The following RNF10 variants were observed in gnomAD, a reference collection of about 807,000 sequenced individuals.
The protein encoded by RNF10 is E3 ubiquitin-protein ligase RNF10.
A neutral mutation model predicts 91.4 loss-of-function variants in RNF10; 38 were observed. That is an observed-to-expected ratio of 0.42 (90% CI 0.32 to 0.54). The LOEUF is 0.54. Ranked by LOEUF, RNF10 falls within the 20% of genes least tolerant of loss-of-function variation. The probability of loss-of-function intolerance (pLI) is 0.16; values close to 1 mark genes in which losing one functional copy is unlikely to be tolerated. For missense variants in RNF10, 945 were observed against 1,012.0 expected (o/e 0.93, Z 0.90); for synonymous variants, 364 against 366.3 (o/e 0.99, Z 0.07).
intron 10 of RNF10, among the ~76,000 whole-genome samples, chr12:120,564,189 T>C (rs541605529): frequency 3.1e-4 from 47 of 152,330 alleles, no homozygotes; most frequent in African/African-American, 1.1e-3. Flanking sequence ...TTTGGGGATA[T>C]AGATATTTCT....
At chr12:120,561,965 A>T (rs1165512153) in intron 7 of RNF10, among the ~76,000 whole-genome samples, 1 of 152,058 alleles carries the variant, frequency 6.6e-6, no homozygotes, top group Non-Finnish European at 1.5e-5. Flanking sequence ...CTGTTCTGGA[A>T]GTTTTTTGTA....
intron 14 of RNF10, chr12:120,574,762 C>T (rs1445399594): frequency 7.2e-6 from 2 of 278,472 alleles, no homozygotes; most frequent in African/African-American, 4.5e-5. Context: ...CCCGTCTTTA[C>T]TAAAAATACA....
chr12:120,537,562 A>C (rs1871006998), intron 1 of RNF10, among the ~76,000 whole-genome samples: 1 of 152,270 alleles, frequency 6.6e-6, no homozygotes. Context: ...CGGGAGGCGG[A>C]GGTTGCAGTA....
intron 4 of RNF10, 111 bp from the exon 5 acceptor site, chr12:120,557,171 A>G (rs1429032301): frequency 2.3e-6 from 2 of 871,694 alleles, no homozygotes; most frequent in African/African-American, 3.3e-5. Context: ...ATAAGGATGT[A>G]CGGGGATAGA....
At chr12:120,561,018 C>A in intron 7 of RNF10, 132 bp downstream of exon 7, 1 of 909,196 alleles carries the variant, frequency 1.1e-6, no homozygotes, top group Non-Finnish European at 1.6e-6. Flanking sequence ...TAGTTCCATT[C>A]CACATTTAAG....
chr12:120,563,783 G>T (rs1299894064), intron 9 of RNF10, 27 bp from the exon 10 acceptor site: 3 of 1,613,280 alleles, frequency 1.9e-6, no homozygotes, highest in South Asian at 2.2e-5. Context: ...GCCAAGACTG[G>T]TGTGTGATAG....
chr12:120,545,401 C>T (rs900806312), intron 1 of RNF10, among the ~76,000 whole-genome samples: 11 of 147,296 alleles, frequency 7.5e-5, no homozygotes, highest in Non-Finnish European at 1.0e-4. Context: ...ACTGTGTTAG[C>T]CAGGATGGTC....
Position 120,577,176 on chromosome 12 carries a change from G to A in RNF10, c.*510G>A, listed in dbSNP as rs1877503914. On this transcript the variant is annotated 3_prime_UTR_variant, in exon 17 of 17. Coordinates refer to ENST00000325954, the MANE Select transcript of RNF10 (RefSeq NM_014868.5). ...AAAATGGATTTAGGACACCCAGTTT[G>A]AATTGCAGTTTTTTTTTTTCTGACA... 1 of 453,418 alleles carries A rather than the reference G, an allele frequency of 2.2e-6. No homozygotes were observed. The highest frequency in any genetic ancestry group is 2.4e-5 in the Admixed American group (1 of 42,206). 28.1% of individuals were successfully genotyped at this position (453,418 alleles called of 1,614,324 possible). A position where few individuals can be genotyped will look rare whatever the true frequency, so the allele number is the denominator to read the frequency against.
intron 14 of RNF10, chr12:120,574,737 C>T (rs1172852012): frequency 9.7e-6 from 3 of 308,570 alleles, no homozygotes; most frequent in Non-Finnish European, 1.9e-5. Context: ...ACCAGCCTGA[C>T]CAACATGGAG....
Position 120,565,536 on chromosome 12 carries a change from T to G in RNF10, c.1885+7T>G. On this transcript the variant is annotated splice_region_variant and intron_variant, in intron 12 of 16. Coordinates refer to ENST00000325954, the MANE Select transcript of RNF10 (RefSeq NM_014868.5). ...AACAAGAAACAGGGCAAGTGTAAGT[T>G]CAGGAACTTTCATCTTTGACTAGCA... 1 of 1,611,744 alleles carries G rather than the reference T, an allele frequency of 6.2e-7. No homozygotes were observed. Among genetic ancestry groups the G allele is most frequent in the African/African-American group, 1.3e-5 (1 of 74,936 alleles).
intron 2 of RNF10, among the ~76,000 whole-genome samples, chr12:120,551,290 G>GTTTTTTTTTTT (rs63002361): frequency 1.2e-5 from 1 of 83,220 alleles, no homozygotes; most frequent in Non-Finnish European, 2.2e-5. Context: ...CCATCCTAGT[G>GTTTTTTTTTTT]TTTTTTTTTT....
At chr12:120,552,720 A>T in intron 3 of RNF10, 22 bp downstream of exon 3, 2 of 1,608,186 alleles carry the variant, frequency 1.2e-6, no homozygotes, top group Non-Finnish European at 1.7e-6. Flanking sequence ...TACCCCTCAG[A>T]GGAAAGGGAA....
intron 1 of RNF10, among the ~76,000 whole-genome samples, chr12:120,544,356 CAA>C (rs35169785): frequency 7.0e-5 from 8 of 115,066 alleles, no homozygotes; most frequent in Admixed American, 1.9e-4. Context: ...CCCAACTCTA[CAA>C]AAAAAAAAAA....
At chr12:120,576,349 A>G (rs1877391420) in intron 16 of RNF10, among the ~76,000 whole-genome samples, 1 of 152,224 alleles carries the variant, frequency 6.6e-6, no homozygotes, top group African/African-American at 2.4e-5. Flanking sequence ...AATTCTCCCA[A>G]CAACCACGTT....
intron 4 of RNF10, 28 bp from the exon 5 acceptor site, chr12:120,557,254 T>C (rs73230313): frequency 0.042 from 67,301 of 1,610,226 alleles, 1,546 homozygotes; most frequent in Non-Finnish European, 0.048. Flanking sequence ...CTTCAAGCAG[T>C]GAACCTTCTG....
In RNF10 at chr12:120,557,510, T is replaced by A. The variant is rs777935114; in HGVS notation, c.831-36T>A. On this transcript the variant is annotated intron_variant, in intron 5 of 16. Transcript: ENST00000325954. ...CTCAGTTAGATCCCAATCTCTTCAC[T>A]CCTTGCCCTGCTACATATGAGTGTC... The A allele has an allele frequency of 1.2e-4, 190 of 1,614,032 alleles. No individual in the cohort carries two copies. In the South Asian group the frequency reaches 2.0e-3, roughly 17 times the overall value.
Position 120,552,539 on chromosome 12 carries a change from T to G in RNF10, c.395T>G (p.Phe132Cys). 6.2e-7 allele frequency: 1 copy of G among 1,614,220 alleles called. No homozygotes were observed. The highest frequency in any genetic ancestry group is 8.5e-7 in the Non-Finnish European group (1 of 1,180,028). Reference protein sequence around the residue: ...AQRAEFSPAQFSGPKKINLNH... With the variant: ...AQRAEFSPAQCSGPKKINLNH... Reference sequence around the variant, plus strand: ...CGGGCAGAGTTTAGCCCTGCCCAGTTCTCTGGTCCTAAGAAGATCAACCTG... The same window carrying G: ...CGGGCAGAGTTTAGCCCTGCCCAGTGCTCTGGTCCTAAGAAGATCAACCTG... The change falls in exon 3 of 17, where the codon TTC becomes TGC. Residue 132 changes from phenylalanine (F) to cysteine (C), a missense_variant. Physicochemically the swap from Phe to Cys is radical, Grantham distance 205. Transcript: ENST00000325954.
chr12:120,557,626 T>A lies in RNF10; in HGVS notation c.911T>A (p.Leu304Ter). 6.2e-7 allele frequency: 1 copy of A among 1,614,230 alleles called. No homozygotes were observed. Among genetic ancestry groups the A allele is most frequent in the Non-Finnish European group, 8.5e-7 (1 of 1,180,032 alleles). ...CTGATGAAGAGGGAGAAAGGGGTGT[T>A]GGTGGCTTTGCCCAAATCCAAATGG... ...MQLMKREKGV[L>*]VALPKSKWMN... The change falls in exon 6 of 17, where the codon TTG becomes TAG. Residue 304 changes from leucine (L) to a stop codon, truncating the protein, a stop_gained. Coordinates refer to ENST00000325954, the MANE Select transcript of RNF10 (RefSeq NM_014868.5). LOFTEE classifies it high-confidence loss of function.
intron 8 of RNF10, 106 bp from the exon 9 acceptor site, chr12:120,563,241 G>C (rs1444348098): frequency 1.3e-6 from 2 of 1,481,924 alleles, no homozygotes; most frequent in African/African-American, 1.4e-5. Flanking sequence ...GAACACGACA[G>C]CTAAGATAAA....
Sources: gnomAD v4.1 joint callset for allele counts (sites outside exome capture counted in the v4.1 genomes callset) on GRCh38, gnomAD v4.1.1 for gene constraint, MANE v1.5 for transcripts, NCBI Gene and HGNC (gene_info 2026-07-23, HGNC 2026-07-21) for gene names.